Variants in CDC25C observed in about 807,000 individuals in gnomAD.
The protein encoded by CDC25C is M-phase inducer phosphatase 3.
In CDC25C, 48 loss-of-function variants were observed where a neutral mutation model predicts 52.5. The observed-to-expected ratio is 0.91, with a 90% CI of 0.72 to 1.16. The LOEUF is 1.16. Among genes scored for constraint, CDC25C ranks in the 50% most tolerant of loss-of-function variants. The pLI is 0.00. For missense variants in CDC25C, 510 were observed against 566.1 expected, an observed-to-expected ratio of 0.90 and a Z score of 1.01; for synonymous variants, 187 against 206.5, an observed-to-expected ratio of 0.91 and a Z score of 0.81.
chr5:138,298,052 G>T (rs1757344870), intron 7 of CDC25C, among the ~76,000 whole-genome samples: 2 of 151,456 alleles, frequency 1.3e-5, no homozygotes, highest in South Asian at 4.2e-4. Flanking sequence ...AGGCTGGAGT[G>T]CAGTGGCATG....
At chr5:138,293,456 G>A (rs558316322) in intron 7 of CDC25C, among the ~76,000 whole-genome samples, 2 of 152,114 alleles carry the variant, frequency 1.3e-5, no homozygotes, top group East Asian at 3.9e-4. Flanking sequence ...AAGGAGATAT[G>A]GTGAGGCACT....
chr5:138,289,030 T>C (rs771607753), intron 10 of CDC25C, among the ~76,000 whole-genome samples: 2 of 152,198 alleles, frequency 1.3e-5, no homozygotes, highest in Non-Finnish European at 2.9e-5. Context: ...AGTGGCACGA[T>C]CTCTGCTCAC....
chr5:138,310,989 T>C (rs967305260), intron 7 of CDC25C, among the ~76,000 whole-genome samples: 2 of 152,238 alleles, frequency 1.3e-5, no homozygotes, highest in African/African-American at 4.8e-5. Context: ...GACAGACATA[T>C]AGACCAATGG....
chr5:138,326,989 GC>G (rs1759930134), intron 4 of CDC25C, among the ~76,000 whole-genome samples: 1 of 150,880 alleles, frequency 6.6e-6, no homozygotes, highest in African/African-American at 2.4e-5. Flanking sequence ...GGGCGCGGGG[GC>G]TCACGCTTGT....
intron 8 of CDC25C, among the ~76,000 whole-genome samples, chr5:138,291,159 T>G (rs1313343716): frequency 6.6e-6 from 1 of 152,124 alleles, no homozygotes; most frequent in African/African-American, 2.4e-5. Context: ...GATGGGGTCA[T>G]GCTATATTGA....
chr5:138,338,116 A>G, exon 1 of CDC25C: 1 of 1,289,666 alleles, frequency 7.8e-7, no homozygotes, highest in South Asian at 1.2e-5. Flanking sequence ...TGTCCGAGAG[A>G]CACTTTGAGA....
upstream of CDC25C, among the ~76,000 whole-genome samples, chr5:138,332,831 T>A (rs1760493178): frequency 6.6e-6 from 1 of 152,112 alleles, no homozygotes; most frequent in East Asian, 1.9e-4. Flanking sequence ...GCCTGGGCAT[T>A]AGAGTGAAAC....
intron 7 of CDC25C, 40 bp downstream of exon 7, chr5:138,319,178 GA>G (rs1478778585): frequency 2.0e-6 from 3 of 1,525,142 alleles, no homozygotes; most frequent in Non-Finnish European, 2.7e-6. Flanking sequence ...CAGAATGAAG[GA>G]ATATGAAGAA....
chr5:138,322,869 C>T (rs899218922), intron 6 of CDC25C, among the ~76,000 whole-genome samples: 19 of 151,986 alleles, frequency 1.3e-4, no homozygotes, highest in African/African-American at 4.3e-4. Flanking sequence ...GATCAGCCTG[C>T]CTCAGCCTCC....
chr5:138,287,091 A>G, intron 11 of CDC25C, 78 bp downstream of exon 11: 1 of 937,822 alleles, frequency 1.1e-6, no homozygotes, highest in South Asian at 1.4e-5. Flanking sequence ...GAGTTCATAG[A>G]CCCCTTTGTC....
exon 1 of CDC25C, chr5:138,338,102 G>C (rs772612748): frequency 2.3e-6 from 3 of 1,289,846 alleles, no homozygotes; most frequent in South Asian, 1.2e-5. Flanking sequence ...GTTCCCAACA[G>C]CGCTGTCCGA....
At chr5:138,294,107 C>T (rs1756984935) in intron 7 of CDC25C, among the ~76,000 whole-genome samples, 1 of 148,550 alleles carries the variant, frequency 6.7e-6, no homozygotes, top group Non-Finnish European at 1.5e-5. Flanking sequence ...CTCATTGCAA[C>T]CTCCGCCTCC....
intron 7 of CDC25C, among the ~76,000 whole-genome samples, chr5:138,316,910 A>G (rs1758920211): frequency 6.6e-6 from 1 of 152,126 alleles, no homozygotes. Context: ...TCGTCTTGCT[A>G]ACCCTCTACT....
At chr5:138,299,210 A>T (rs1211900472) in intron 7 of CDC25C, among the ~76,000 whole-genome samples, 1 of 146,748 alleles carries the variant, frequency 6.8e-6, no homozygotes, top group Non-Finnish European at 1.5e-5. Flanking sequence ...AAAAAAAAAA[A>T]AAAGGCCAGG....
At chr5:138,333,236 G>A (rs1488585713), upstream of CDC25C, among the ~76,000 whole-genome samples, 3 of 152,106 alleles carry the variant, frequency 2.0e-5, no homozygotes, top group African/African-American at 4.8e-5. Context: ...CTCCAAAAAC[G>A]ATAATTCGAT....
upstream of CDC25C, chr5:138,331,821 G>C (rs557841443): frequency 1.0e-5 from 10 of 970,092 alleles, no homozygotes; most frequent in East Asian, 1.0e-3. Flanking sequence ...AGCCGCAGGC[G>C]TTGACCATTC....
At chr5:138,323,009 G>T (rs1274372022) in intron 6 of CDC25C, among the ~76,000 whole-genome samples, 1 of 151,382 alleles carries the variant, frequency 6.6e-6, no homozygotes, top group Non-Finnish European at 1.5e-5. Flanking sequence ...GCACTGGAGT[G>T]CAGTGGTGTA....
upstream of CDC25C, chr5:138,331,825 A>G (rs1442591616): frequency 3.0e-6 from 3 of 985,654 alleles, no homozygotes; most frequent in Non-Finnish European, 3.6e-6. Flanking sequence ...GCAGGCGTTG[A>G]CCATTCAAAC....
intron 7 of CDC25C, among the ~76,000 whole-genome samples, chr5:138,309,648 A>T (rs2126747738): frequency 6.6e-6 from 1 of 152,086 alleles, no homozygotes; most frequent in African/African-American, 2.4e-5. Context: ...ATCATCTATT[A>T]TTATACTATC....
Sources: allele counts gnomAD v4.1 joint callset (sites outside exome capture counted in the v4.1 genomes callset), GRCh38; gene constraint gnomAD v4.1.1; transcripts MANE v1.5; gene names NCBI Gene and HGNC (gene_info 2026-07-23, HGNC 2026-07-21).